The following APP variants were observed in gnomAD, a reference collection of about 807,000 sequenced individuals.
The protein encoded by APP is amyloid-beta precursor protein.
APP carries 31 observed loss-of-function variants against 101.4 expected under a neutral mutation model. The observed-to-expected ratio is 0.31, with a 90% CI of 0.23 to 0.41. The LOEUF is 0.41. APP is among the 10% of genes least tolerant of loss of function. The pLI is 1.00. For missense variants in APP, 839 were observed against 1,003.7 expected, an observed-to-expected ratio of 0.84 and a Z score of 2.22; for synonymous variants, 366 against 364.4, an observed-to-expected ratio of 1.00 and a Z score of -0.05.
intron 9 of APP, among the ~76,000 whole-genome samples, 162 bp from the exon 10 acceptor site, chr21:25,976,190 C>A (rs2042217510): frequency 6.6e-6 from 1 of 152,038 alleles, no homozygotes; most frequent in South Asian, 2.1e-4. Context: ...TGACCTCCCA[C>A]TAGGATATAA....
intron 3 of APP, among the ~76,000 whole-genome samples, chr21:26,057,982 T>C (rs961971931): frequency 6.6e-6 from 1 of 152,192 alleles, no homozygotes; most frequent in South Asian, 2.1e-4. Flanking sequence ...CGGCAGAGAA[T>C]AGACCACATG....
At chr21:26,082,714 G>A (rs960527533) in intron 3 of APP, among the ~76,000 whole-genome samples, 39 of 152,154 alleles carry the variant, frequency 2.6e-4, no homozygotes, top group African/African-American at 9.2e-4. Context: ...GCTACTTCCT[G>A]TCAAGTCTTC....
At chr21:26,010,820 C>CAAAAA (rs58036272) in intron 6 of APP, among the ~76,000 whole-genome samples, 19 of 54,750 alleles carry the variant, frequency 3.5e-4, no homozygotes, top group East Asian at 1.3e-3. Flanking sequence ...GACTTCGTCT[C>CAAAAA]AAAAAAAAAA....
At chr21:26,072,924 T>C (rs12483305) in intron 3 of APP, among the ~76,000 whole-genome samples, 14,214 of 152,196 alleles carry the variant, frequency 0.093, 827 homozygotes, top group East Asian at 0.23. Context: ...GAGTTCTCTG[T>C]TTAACCTAAG....
chr21:25,955,690 G>A lies in APP; in HGVS notation c.1524C>T (p.Thr508=). ...TGCGCACATGCTCGAAATGCTTTAG[G>A]GTGTGCTGTCTGTCCTTCTGTTCTG... ...VRAEQKDRQH[T]LKHFEHVRMV... Residue 508 remains threonine, a synonymous_variant, in exon 12 of 18, where the codon ACC becomes ACT. Coordinates refer to ENST00000346798, the MANE Select transcript of APP (RefSeq NM_000484.4). 1 of 1,614,076 alleles carries A rather than the reference G, an allele frequency of 6.2e-7. No individual in the cohort carries two copies. The highest frequency in any genetic ancestry group is 8.5e-7 in the Non-Finnish European group (1 of 1,180,018).
chr21:25,978,149 G>A (rs2042291329), intron 9 of APP, among the ~76,000 whole-genome samples: 1 of 152,158 alleles, frequency 6.6e-6, no homozygotes, highest in Non-Finnish European at 1.5e-5. Flanking sequence ...CTAATGAGTT[G>A]CAAATAAGCA....
At position 26,170,729 on chromosome 21, in the gene APP, C is replaced by A; in HGVS notation, c.-109G>T. 8.4e-7 allele frequency: 1 copy of A among 1,188,568 alleles called. No individual in the cohort carries two copies. The highest frequency in any genetic ancestry group is 1.1e-6 in the Non-Finnish European group (1 of 894,452). The allele number at this position is 1,188,568 out of a possible 1,614,324, so 73.6% of individuals were successfully genotyped here. A position where few individuals can be genotyped will look rare whatever the true frequency, so the allele number is the denominator to read the frequency against. ...CCGTCTCCCGGGGCCCCCGCGCACG[C>A]TCCTCCGCGTGCTCTCGCCTACCGC... is the stretch of plus-strand genomic sequence containing the variant. On this transcript the variant is annotated 5_prime_UTR_variant, in exon 1 of 18. Transcript: ENST00000346798.
intron 1 of APP, among the ~76,000 whole-genome samples, chr21:26,147,778 G>A (rs558241810): frequency 2.0e-5 from 3 of 151,726 alleles, no homozygotes; most frequent in Non-Finnish European, 4.4e-5. Context: ...CACCTGATAG[G>A]GCCTTACACA....
intron 3 of APP, among the ~76,000 whole-genome samples, chr21:26,060,987 G>A (rs1601357516): frequency 6.6e-6 from 1 of 152,168 alleles, no homozygotes; most frequent in South Asian, 2.1e-4. Context: ...AAGGCTCTGG[G>A]GTGGTTTTCT....
intron 2 of APP, among the ~76,000 whole-genome samples, chr21:26,110,508 A>G (rs976900652): frequency 2.0e-5 from 3 of 152,136 alleles, no homozygotes; most frequent in African/African-American, 7.2e-5. Flanking sequence ...GATTTCCACT[A>G]TTCATCATTT....
intron 3 of APP, among the ~76,000 whole-genome samples, chr21:26,076,788 G>A (rs942915905): frequency 2.0e-5 from 3 of 152,150 alleles, no homozygotes; most frequent in Admixed American, 1.3e-4. Flanking sequence ...TTTAGGCTGG[G>A]CGCAGTGGCT....
chr21:26,060,232 T>C (rs2046217841), intron 3 of APP, among the ~76,000 whole-genome samples: 1 of 152,316 alleles, frequency 6.6e-6, no homozygotes, highest in East Asian at 1.9e-4. Context: ...CACCACCTAC[T>C]TGTAGCCCCA....
chr21:25,978,869 T>C (rs1283452685), intron 9 of APP, among the ~76,000 whole-genome samples: 1 of 152,188 alleles, frequency 6.6e-6, no homozygotes, highest in Non-Finnish European at 1.5e-5. Flanking sequence ...GGAGAATCGC[T>C]TGAACCAGGG....
rs368091347 is a variant in APP, at chr21:26,043,223, T to TTTTTC, written c.662+7772_662+7776dup. ...GCATGTCTAGAATGATATTCCTTAGTTTTTCTTTTCTTTTCTTTTCTTTTT... is the reference window on the plus strand; with the variant it reads ...GCATGTCTAGAATGATATTCCTTAGTTTTTCTTTTCTTTTCTTTTCTTTTCTTTTT... On this transcript the variant is annotated intron_variant, in intron 5 of 17. Transcript: ENST00000346798. Among the ~76,000 whole-genome samples the TTTTTC allele has an allele frequency of 1.1e-3, 163 of 148,330 alleles. 2 individuals are homozygous for TTTTTC. The highest frequency in any genetic ancestry group is 9.6e-4 in the Non-Finnish European group (65 of 67,934).
intron 13 of APP, among the ~76,000 whole-genome samples, chr21:25,915,299 C>A (rs1432396002): frequency 6.6e-6 from 1 of 152,210 alleles, no homozygotes; most frequent in East Asian, 1.9e-4. Flanking sequence ...CTCTTTAGAG[C>A]CCAGCTCAAA....
intron 2 of APP, among the ~76,000 whole-genome samples, chr21:26,105,906 C>A (rs2062173064): frequency 1.3e-5 from 2 of 152,162 alleles, no homozygotes; most frequent in African/African-American, 4.8e-5. Context: ...TTTGCCCATG[C>A]CATTCCTCAT....
chr21:26,113,235 C>T (rs1317629625), intron 1 of APP, among the ~76,000 whole-genome samples: 2 of 152,148 alleles, frequency 1.3e-5, no homozygotes, highest in African/African-American at 2.4e-5. Flanking sequence ...AGAAGCCATT[C>T]GTTCACACAC....
At chr21:26,131,816 T>C (rs1248002864) in intron 1 of APP, among the ~76,000 whole-genome samples, 1 of 152,168 alleles carries the variant, frequency 6.6e-6, no homozygotes, top group Non-Finnish European at 1.5e-5. Context: ...ATCTTCAGAA[T>C]GATAAACCAC....
intron 13 of APP, among the ~76,000 whole-genome samples, chr21:25,927,631 C>T (rs912194672): frequency 6.6e-6 from 1 of 152,022 alleles, no homozygotes; most frequent in Non-Finnish European, 1.5e-5. Context: ...ATAACAGTTT[C>T]CTGGCCACAC....
Sources: allele counts gnomAD v4.1 joint callset (sites outside exome capture counted in the v4.1 genomes callset), GRCh38; gene constraint gnomAD v4.1.1; transcripts MANE v1.5; gene names NCBI Gene and HGNC (gene_info 2026-07-23, HGNC 2026-07-21).